The following XKR4 variants were observed in gnomAD, a reference collection of about 807,000 sequenced individuals.
The protein encoded by XKR4 is XK related 4, also known as XK-related protein 4.
A neutral mutation model predicts 53.9 loss-of-function variants in XKR4; 12 were observed. That is an observed-to-expected ratio of 0.22 (90% CI 0.14 to 0.36). XKR4 has a LOEUF of 0.36. Ranked by LOEUF, XKR4 falls within the 10% of genes least tolerant of loss-of-function variation. The probability of loss-of-function intolerance (pLI) is 1.00; values close to 1 mark genes in which losing one functional copy is unlikely to be tolerated. For missense variants in XKR4, 799 were observed against 859.5 expected (o/e 0.93, Z 0.88); for synonymous variants, 354 against 362.4 (o/e 0.98, Z 0.26).
chr8:55,151,247 G>A (rs1446573438), intron 1 of XKR4, among the ~76,000 whole-genome samples: 4 of 152,090 alleles, frequency 2.6e-5, no homozygotes, highest in African/African-American at 7.2e-5. Flanking sequence ...TTTCATTTCT[G>A]GCCTGCCAAG....
At position 55,181,051 on chromosome 8, in the gene XKR4, A is replaced by G. The variant is rs1304468808; in HGVS notation, c.806+77757A>G. ...ACATTAAAGTTAGACTTAAAGTCCTATTGGCAGATCTTCTATGAATAGATC... is the reference window on the plus strand; with the variant it reads ...ACATTAAAGTTAGACTTAAAGTCCTGTTGGCAGATCTTCTATGAATAGATC... On this transcript the variant is annotated intron_variant, in intron 1 of 2. Transcript: ENST00000327381. Among the ~76,000 whole-genome samples the G allele has an allele frequency of 3.3e-5, 5 of 152,200 alleles. No individual in the cohort carries two copies. The South Asian group carries it at 6.2e-4, about 19-fold the overall frequency.
At chr8:55,488,185 G>A (rs1428696459) in intron 2 of XKR4, among the ~76,000 whole-genome samples, 1 of 152,138 alleles carries the variant, frequency 6.6e-6, no homozygotes, top group African/African-American at 2.4e-5. Flanking sequence ...TATTAGAATG[G>A]CAGAAATCCA....
intron 1 of XKR4, among the ~76,000 whole-genome samples, chr8:55,147,689 T>C (rs1269598715): frequency 6.6e-6 from 1 of 152,146 alleles, no homozygotes; most frequent in Non-Finnish European, 1.5e-5. Flanking sequence ...TGGGGAGAAT[T>C]TCTATGAATG....
At chr8:55,445,292 C>T (rs1805330150) in intron 2 of XKR4, among the ~76,000 whole-genome samples, 3 of 152,062 alleles carry the variant, frequency 2.0e-5, no homozygotes, top group African/African-American at 4.8e-5. Flanking sequence ...CTCCTGACCT[C>T]GTGATCCACC....
intron 1 of XKR4, among the ~76,000 whole-genome samples, chr8:55,127,333 A>G (rs1428378374): frequency 6.6e-6 from 1 of 150,970 alleles, no homozygotes; most frequent in Non-Finnish European, 1.5e-5. Context: ...GCTCACTGCA[A>G]CCTCCGCCTC....
intron 2 of XKR4, among the ~76,000 whole-genome samples, chr8:55,473,914 C>T (rs930850937): frequency 2.0e-5 from 3 of 149,894 alleles, no homozygotes; most frequent in Non-Finnish European, 4.4e-5. Flanking sequence ...TCTGTCTTTC[C>T]TTCTTTCTTT....
chr8:55,423,199 G>T (rs537778169), intron 2 of XKR4, among the ~76,000 whole-genome samples: 1 of 151,902 alleles, frequency 6.6e-6, no homozygotes, highest in Non-Finnish European at 1.5e-5. Context: ...AGGTTCAAGC[G>T]ATTCTCATGC....
intron 1 of XKR4, chr8:55,272,917 T>C: frequency 2.2e-6 from 1 of 454,260 alleles, no homozygotes; most frequent in Non-Finnish European, 4.4e-6. Context: ...ATTTCAACTA[T>C]TGGGTATAAA....
At chr8:55,514,848 C>A (rs1475656682) in intron 2 of XKR4, among the ~76,000 whole-genome samples, 1 of 152,118 alleles carries the variant, frequency 6.6e-6, no homozygotes, top group Admixed American at 6.6e-5. Context: ...AGAAGAGGGC[C>A]TTCTTGCTTT....
chr8:55,195,971 C>T (rs915673897), intron 1 of XKR4, among the ~76,000 whole-genome samples: 1 of 152,170 alleles, frequency 6.6e-6, no homozygotes, highest in African/African-American at 2.4e-5. Context: ...GTGCCATCTG[C>T]TGCTTTATGG....
chr8:55,183,719 G>A (rs146320043), intron 1 of XKR4, among the ~76,000 whole-genome samples: 26 of 152,214 alleles, frequency 1.7e-4, no homozygotes, highest in Non-Finnish European at 2.9e-5. Context: ...GCTATTGGGT[G>A]GAATGAGCCA....
intron 2 of XKR4, chr8:55,454,617 C>T: frequency 7.8e-7 from 1 of 1,275,432 alleles, no homozygotes; most frequent in South Asian, 1.3e-5. Flanking sequence ...AAATCGTCCT[C>T]TACTAGCCCC....
chr8:55,328,975 C>T (rs561103832), intron 1 of XKR4, among the ~76,000 whole-genome samples: 10 of 152,076 alleles, frequency 6.6e-5, no homozygotes, highest in Non-Finnish European at 1.2e-4. Flanking sequence ...TCGCAGACAC[C>T]CTGGCACAAG....
intron 1 of XKR4, among the ~76,000 whole-genome samples, chr8:55,309,110 G>A (rs1819352839): frequency 6.6e-6 from 1 of 152,200 alleles, no homozygotes; most frequent in South Asian, 2.1e-4. Flanking sequence ...ACACAGCCCT[G>A]CCAACTCCTT....
intron 2 of XKR4, among the ~76,000 whole-genome samples, chr8:55,497,570 A>G (rs1372816762): frequency 2.0e-5 from 3 of 152,186 alleles, no homozygotes; most frequent in Non-Finnish European, 4.4e-5. Context: ...GAAAATGTGA[A>G]CTTCATTCTT....
At chr8:55,167,467 G>T (rs920114268) in intron 1 of XKR4, among the ~76,000 whole-genome samples, 2 of 152,182 alleles carry the variant, frequency 1.3e-5, no homozygotes, top group Non-Finnish European at 2.9e-5. Flanking sequence ...ATTGCTGAAA[G>T]GAGAAGGCAG....
chr8:55,225,488 A>T (rs891704248), intron 1 of XKR4, among the ~76,000 whole-genome samples: 28 of 152,218 alleles, frequency 1.8e-4, no homozygotes, highest in African/African-American at 6.3e-4. Context: ...GTGCTCAGCG[A>T]CCAATGGTCC....
intron 1 of XKR4, among the ~76,000 whole-genome samples, chr8:55,144,623 A>G (rs1816746853): frequency 6.6e-6 from 1 of 151,796 alleles, no homozygotes; most frequent in Non-Finnish European, 1.5e-5. Context: ...TTTTTTTTGG[A>G]TAAAACTTGT....
At chr8:55,392,774 G>C (rs1047862388) in intron 2 of XKR4, among the ~76,000 whole-genome samples, 5 of 152,208 alleles carry the variant, frequency 3.3e-5, no homozygotes, top group African/African-American at 4.8e-5. Context: ...CTGGGCAAAA[G>C]AGCCAGACCC....
Sources: gnomAD v4.1 joint callset for allele counts (sites outside exome capture counted in the v4.1 genomes callset) on GRCh38, gnomAD v4.1.1 for gene constraint, MANE v1.5 for transcripts, NCBI Gene and HGNC (gene_info 2026-07-23, HGNC 2026-07-21) for gene names.